GCH1: variants seen among roughly 807,000 people sequenced by gnomAD.
GCH1 encodes GTP cyclohydrolase I.
Under a neutral mutation model 25.9 loss-of-function variants are expected in GCH1, and 5 were observed. That is an observed-to-expected ratio of 0.19 (90% CI 0.10 to 0.41). The LOEUF (loss-of-function observed/expected upper bound fraction) is 0.41, where lower values mean the gene tolerates loss of function less well. GCH1 is among the 10% of genes least tolerant of loss of function. The pLI, the probability that GCH1 is intolerant of heterozygous loss-of-function variation, is 1.00. For synonymous variants in GCH1, 159 were observed against 129.6 expected (o/e 1.23, Z -1.54); for missense variants, 261 against 336.5 (o/e 0.78, Z 1.75).
chr14:54,859,530 T>C (rs1470286753), intron 3 of GCH1, 151 bp downstream of exon 3: 1 of 682,432 alleles, frequency 1.5e-6, no homozygotes, highest in African/African-American at 1.8e-5. Context: ...GGGGCATCTG[T>C]GTTTCAGACC....
At chr14:54,897,102 C>CT in intron 1 of GCH1, among the ~76,000 whole-genome samples, 1 of 147,100 alleles carries the variant, frequency 6.8e-6, no homozygotes, top group Non-Finnish European at 1.5e-5. Flanking sequence ...CTCCGCCTCC[C>CT]GGGTTCAAGT....
chr14:54,902,269 C>T (rs1167367240), intron 1 of GCH1, 52 bp downstream of exon 1: 13 of 1,589,782 alleles, frequency 8.2e-6, no homozygotes, highest in Non-Finnish European at 2.6e-6. Context: ...GCGTTTCCTG[C>T]AAGCACCGCC....
At chr14:54,880,422 T>C (rs2040230311) in intron 1 of GCH1, among the ~76,000 whole-genome samples, 1 of 125,488 alleles carries the variant, frequency 8.0e-6, no homozygotes, top group Non-Finnish European at 1.6e-5. Flanking sequence ...ATAAAATATA[T>C]ATATACTCCA....
intron 1 of GCH1, among the ~76,000 whole-genome samples, chr14:54,897,305 T>C (rs2040502125): frequency 6.7e-6 from 1 of 150,136 alleles, no homozygotes; most frequent in Non-Finnish European, 1.5e-5. Flanking sequence ...TTTTTTTTTC[T>C]GAGACTGAGT....
chr14:54,891,743 T>A (rs2040426265), intron 1 of GCH1, among the ~76,000 whole-genome samples: 1 of 152,168 alleles, frequency 6.6e-6, no homozygotes. Context: ...CACGCTATTC[T>A]GAGTATTGCG....
intron 1 of GCH1, among the ~76,000 whole-genome samples, chr14:54,884,030 A>G (rs1221987658): frequency 2.6e-5 from 4 of 152,248 alleles, no homozygotes; most frequent in Non-Finnish European, 5.9e-5. Context: ...AACCAGTTGC[A>G]TCCTACAACC....
At chr14:54,849,664 A>C (rs1315376401) in intron 3 of GCH1, among the ~76,000 whole-genome samples, 1 of 152,174 alleles carries the variant, frequency 6.6e-6, no homozygotes, top group Non-Finnish European at 1.5e-5. Flanking sequence ...TTTTTTAGCC[A>C]TTATCTTCTC....
rs1467095724 is a variant in GCH1, at chr14:54,859,703, G to C, written c.487C>G (p.Leu163Val). 6.2e-7 allele frequency: 1 copy of C among 1,601,518 alleles called. No homozygotes were observed. ...HIGYLPNKQV[L>V]GLSKLARIVE... The stretch of plus-strand genomic sequence containing the variant: ...TACCTCGCAAGTTTGCTGAGGCCAA[G>C]GACTTGCTTGTTAGGAAGATAACCA... Residue 163 changes from leucine (L) to valine (V), a missense_variant, in exon 3 of 6, where the codon CTT becomes GTT. Physicochemically the swap from Leu to Val is conservative, Grantham distance 32 (BLOSUM62 1). Around this residue, in one of 3 missense-constraint regions of GCH1, gnomAD observed 130 missense variants for 184.1 expected, o/e 0.71. Coordinates refer to ENST00000491895, the MANE Select transcript of GCH1 (RefSeq NM_000161.3).
At chr14:54,878,459 T>C (rs1595004634) in intron 1 of GCH1, among the ~76,000 whole-genome samples, 1 of 152,204 alleles carries the variant, frequency 6.6e-6, no homozygotes, top group East Asian at 1.9e-4. Flanking sequence ...TTAAATCAAC[T>C]CAAGGTGCTA....
rs2039865915 is a variant in GCH1, at chr14:54,859,692, G to A, written c.498C>T (p.Ser166=). The change falls in exon 3 of 6, where the codon AGC becomes AGT. Residue 166 remains serine (S), a synonymous_variant. Transcript: ENST00000491895. ...YLPNKQVLGL[S]KLARIVEIYS... is the part of the protein sequence containing the mutation. Reference sequence around the variant, plus strand: ...ACAGTCACACTTACCTCGCAAGTTTGCTGAGGCCAAGGACTTGCTTGTTAG... The same window carrying A: ...ACAGTCACACTTACCTCGCAAGTTTACTGAGGCCAAGGACTTGCTTGTTAG... The A allele has an allele frequency of 1.9e-6, 3 of 1,592,030 alleles. No individual in the cohort carries two copies. The South Asian group carries it at 3.3e-5, about 18-fold the overall frequency.
At chr14:54,896,651 G>A (rs1055387529) in intron 1 of GCH1, among the ~76,000 whole-genome samples, 2 of 151,782 alleles carry the variant, frequency 1.3e-5, no homozygotes, top group Non-Finnish European at 2.9e-5. Context: ...GGTGGCTCAC[G>A]CCTGTAATCC....
intron 3 of GCH1, among the ~76,000 whole-genome samples, chr14:54,848,286 G>A (rs117040588): frequency 0.073 from 11,052 of 151,848 alleles, 632 homozygotes; most frequent in Non-Finnish European, 0.11. Flanking sequence ...ATAGGCACCC[G>A]TCACCATGCT....
chr14:54,882,150 AC>A (rs1220618239), intron 1 of GCH1, among the ~76,000 whole-genome samples: 3 of 152,232 alleles, frequency 2.0e-5, no homozygotes. Flanking sequence ...GGGGAACCGC[AC>A]GCACAGTGGT....
At chr14:54,869,744 T>C (rs1194250953) in intron 1 of GCH1, among the ~76,000 whole-genome samples, 3 of 152,120 alleles carry the variant, frequency 2.0e-5, no homozygotes, top group Non-Finnish European at 4.4e-5. Context: ...CCTCCCAAAG[T>C]GCTGGGATTA....
chr14:54,860,127 C>T (rs2039872596), intron 2 of GCH1, among the ~76,000 whole-genome samples: 1 of 152,084 alleles, frequency 6.6e-6, no homozygotes, highest in Non-Finnish European at 1.5e-5. Flanking sequence ...GGTTTTGTAT[C>T]CTGCAAATAC....
chr14:54,897,016 T>TG (rs2040496286), intron 1 of GCH1, among the ~76,000 whole-genome samples: 1 of 139,066 alleles, frequency 7.2e-6, no homozygotes. Flanking sequence ...TTTTGTTTTT[T>TG]TTTTTTTTTT....
chr14:54,876,981 G>A lies in GCH1; in HGVS notation c.344-11545C>T, dbSNP rs10147430. 8.8e-3 allele frequency among the ~76,000 whole-genome samples: 1,338 copies of A among 152,268 alleles called. 25 individuals carry two copies. Among genetic ancestry groups the A allele is most frequent in the African/African-American group, 0.031 (1,296 of 41,564 alleles). On this transcript the variant is annotated intron_variant, in intron 1 of 5. Coordinates refer to ENST00000491895, the MANE Select transcript of GCH1 (RefSeq NM_000161.3). ...TTAAATCAAAGAGAAAAAAAATCTA[G>A]TGATCCTCATACAGCTAAATGCTTC... is the stretch of plus-strand genomic sequence containing the variant.
chr14:54,851,026 C>G lies in GCH1; in HGVS notation c.510-3896G>C, dbSNP rs370997688. The stretch of plus-strand genomic sequence containing the variant: ...AACCAAAACAGCATGGTGCTGGTAC[C>G]AAAACAGAGATATAGACCAATGGAA... On this transcript the variant is annotated intron_variant, in intron 3 of 5. Transcript: ENST00000491895. Among the ~76,000 whole-genome samples, 7 of 152,178 alleles carry G rather than the reference C, an allele frequency of 4.6e-5. No individual in the cohort carries two copies. The East Asian group carries it at 9.7e-4, about 21-fold the overall frequency.
intron 1 of GCH1, among the ~76,000 whole-genome samples, chr14:54,894,400 C>T (rs1412005804): frequency 6.6e-6 from 1 of 152,176 alleles, no homozygotes; most frequent in Non-Finnish European, 1.5e-5. Context: ...GACAGCCTCC[C>T]CCACTACAGG....
Sources: allele counts gnomAD v4.1 joint callset (sites outside exome capture counted in the v4.1 genomes callset), GRCh38; gene constraint gnomAD v4.1.1; regional missense constraint gnomAD v4.1.1; transcripts MANE v1.5; gene names NCBI Gene and HGNC (gene_info 2026-07-23, HGNC 2026-07-21).